Variants in NDUFAF2 observed in about 807,000 individuals in gnomAD.
The protein encoded by NDUFAF2 is NADH dehydrogenase [ubiquinone] 1 alpha subcomplex assembly factor 2.
NDUFAF2 carries 13 observed loss-of-function variants against 22.8 expected under a neutral mutation model. That is an observed-to-expected ratio of 0.57 (90% CI 0.37 to 0.91). NDUFAF2 has a LOEUF of 0.91. NDUFAF2 is among the 40% of genes least tolerant of loss of function. The pLI is 0.01. For missense variants in NDUFAF2, 162 were observed against 195.2 expected (o/e 0.83, Z 1.01); for synonymous variants, 53 against 64.2 (o/e 0.83, Z 0.84).
chr5:61,122,904 A>G (rs951253008), intron 3 of NDUFAF2, among the ~76,000 whole-genome samples: 3 of 152,144 alleles, frequency 2.0e-5, no homozygotes, highest in Non-Finnish European at 4.4e-5. Flanking sequence ...ACACTGTGGC[A>G]TGGGATGTCT....
At chr5:61,012,339 C>A (rs891207699) in intron 1 of NDUFAF2, among the ~76,000 whole-genome samples, 15 of 152,130 alleles carry the variant, frequency 9.9e-5, no homozygotes, top group Admixed American at 1.3e-4. Flanking sequence ...TCAAATTCAA[C>A]ATTTTTTACA....
At chr5:60,969,577 A>G (rs1043641137) in intron 1 of NDUFAF2, among the ~76,000 whole-genome samples, 1 of 151,784 alleles carries the variant, frequency 6.6e-6, no homozygotes, top group South Asian at 2.1e-4. Flanking sequence ...TTTTTTTACC[A>G]TAGAGTTGAA....
At chr5:61,076,749 ACTTAGG>A (rs1016775620) in intron 2 of NDUFAF2, among the ~76,000 whole-genome samples, 8 of 152,166 alleles carry the variant, frequency 5.3e-5, no homozygotes, top group Non-Finnish European at 1.0e-4. Context: ...TTGCAAATAG[ACTTAGG>A]GGAACATAGG....
intron 3 of NDUFAF2, among the ~76,000 whole-genome samples, chr5:61,119,754 G>A (rs1306911875): frequency 6.6e-6 from 1 of 152,134 alleles, no homozygotes; most frequent in Non-Finnish European, 1.5e-5. Context: ...AAGAGGTAGG[G>A]TTGTCTGCAC....
At chr5:61,150,465 C>G (rs1741218327) in intron 3 of NDUFAF2, among the ~76,000 whole-genome samples, 1 of 152,018 alleles carries the variant, frequency 6.6e-6, no homozygotes, top group Non-Finnish European at 1.5e-5. Flanking sequence ...TCTTTTGCCT[C>G]AATAGCTATT....
chr5:60,945,497 C>A, intron 1 of NDUFAF2, 115 bp downstream of exon 1: 1 of 1,449,512 alleles, frequency 6.9e-7, no homozygotes, highest in Non-Finnish European at 9.6e-7. Flanking sequence ...AGGGTGTCAC[C>A]GGAGAGAATT....
intron 1 of NDUFAF2, among the ~76,000 whole-genome samples, chr5:61,004,445 G>C (rs1358488547): frequency 6.6e-6 from 1 of 151,992 alleles, no homozygotes; most frequent in East Asian, 1.9e-4. Flanking sequence ...TATTTCAAAA[G>C]CTTTAATTGT....
intron 1 of NDUFAF2, among the ~76,000 whole-genome samples, chr5:60,961,527 G>A (rs548866140): frequency 4.7e-5 from 7 of 150,134 alleles, no homozygotes; most frequent in Admixed American, 2.0e-4. Context: ...CACGGGAGGC[G>A]GAACTTGCAG....
At chr5:61,115,362 G>T (rs1435657700) in intron 3 of NDUFAF2, 1 of 152,284 alleles carries the variant, frequency 6.6e-6, no homozygotes, top group Non-Finnish European at 1.5e-5. Context: ...CAAGAGCCAA[G>T]GCCTAGAATC....
chr5:61,034,471 G>A lies in NDUFAF2; in HGVS notation c.128-38654G>A, dbSNP rs1751770848. On this transcript the variant is annotated intron_variant, in intron 1 of 3. Coordinates refer to ENST00000296597, the MANE Select transcript of NDUFAF2 (RefSeq NM_174889.5). ...TGTATCTAAACATAGAAAAGGTACA[G>A]TAAAAATGCAGTATTATAATCTTAC... Among the ~76,000 whole-genome samples the A allele has an allele frequency of 3.9e-5, 6 of 152,146 alleles. No homozygotes were observed. In the South Asian group the frequency reaches 1.0e-3, roughly 26 times the overall value.
At chr5:60,959,204 T>C (rs1167904442) in intron 1 of NDUFAF2, among the ~76,000 whole-genome samples, 1 of 152,104 alleles carries the variant, frequency 6.6e-6, no homozygotes, top group Admixed American at 6.5e-5. Flanking sequence ...TATAGCTCTT[T>C]TCAATGTGAT....
rs541108305 is a variant in NDUFAF2 at position 60,984,327 on chromosome 5, A to G, written c.127+38945A>G. ...GACGATGGGGTTTTCTAGATATACA[A>G]TCATGTCATCTGCAAACAGGGACAA... On this transcript the variant is annotated intron_variant, in intron 1 of 3. Transcript: ENST00000296597. 1.8e-3 allele frequency among the ~76,000 whole-genome samples: 280 copies of G among 152,204 alleles called. 4 individuals carry two copies. The highest frequency in any genetic ancestry group is 7.2e-4 in the Non-Finnish European group (49 of 68,006).
At chr5:61,100,237 G>A (rs1752690053) in intron 3 of NDUFAF2, among the ~76,000 whole-genome samples, 1 of 152,104 alleles carries the variant, frequency 6.6e-6, no homozygotes, top group African/African-American at 2.4e-5. Context: ...CATAATAAGA[G>A]CTACTGTTAT....
At chr5:60,987,347 A>G (rs1236876995) in intron 1 of NDUFAF2, among the ~76,000 whole-genome samples, 1 of 152,202 alleles carries the variant, frequency 6.6e-6, no homozygotes, top group Non-Finnish European at 1.5e-5. Flanking sequence ...ATTCCACCAG[A>G]TGTATAAAGA....
At chr5:60,957,751 A>G (rs1291942167) in intron 1 of NDUFAF2, among the ~76,000 whole-genome samples, 1 of 152,174 alleles carries the variant, frequency 6.6e-6, no homozygotes, top group East Asian at 1.9e-4. Flanking sequence ...AGCCCCTGCT[A>G]GTGGGAATCT....
intron 1 of NDUFAF2, among the ~76,000 whole-genome samples, chr5:61,071,499 C>G (rs1752299191): frequency 1.3e-5 from 2 of 152,286 alleles, no homozygotes; most frequent in South Asian, 4.1e-4. Flanking sequence ...CACAGTCACT[C>G]CCAGGAGTTT....
At chr5:61,003,453 C>T (rs774604748) in intron 1 of NDUFAF2, among the ~76,000 whole-genome samples, 4 of 151,562 alleles carry the variant, frequency 2.6e-5, no homozygotes, top group Non-Finnish European at 4.4e-5. Flanking sequence ...TTTTCTGGTA[C>T]GCTGAATAAA....
At chr5:61,060,528 A>G (rs971365443) in intron 1 of NDUFAF2, among the ~76,000 whole-genome samples, 2 of 152,158 alleles carry the variant, frequency 1.3e-5, no homozygotes, top group Non-Finnish European at 2.9e-5. Flanking sequence ...CCACTGCTAT[A>G]AAAGGAGAGA....
chr5:61,093,581 AC>A (rs1332069796), intron 2 of NDUFAF2, among the ~76,000 whole-genome samples: 1 of 152,166 alleles, frequency 6.6e-6, no homozygotes, highest in Admixed American at 6.5e-5. Flanking sequence ...CATATATTGA[AC>A]CAGCCTTGCG....
Sources: allele counts gnomAD v4.1 joint callset (sites outside exome capture counted in the v4.1 genomes callset), GRCh38; gene constraint gnomAD v4.1.1; transcripts MANE v1.5; gene names NCBI Gene and HGNC (gene_info 2026-07-23, HGNC 2026-07-21).